Variants in VKORC1L1 observed in about 807,000 individuals in gnomAD.
VKORC1L1 encodes vitamin K epoxide reductase complex subunit 1-like protein 1.
A neutral mutation model predicts 18.9 loss-of-function variants in VKORC1L1; 2 were observed. The observed-to-expected ratio is 0.11, with a 90% CI of 0.04 to 0.33. VKORC1L1 has a LOEUF of 0.33. VKORC1L1 is among the 10% of genes least tolerant of loss of function. VKORC1L1 has a pLI of 1.00. For synonymous variants in VKORC1L1, 96 were observed against 100.0 expected (o/e 0.96, Z 0.24); for missense variants, 123 against 224.1 (o/e 0.55, Z 2.88).
chr7:65,904,651 A>T (rs1035395668), intron 1 of VKORC1L1, among the ~76,000 whole-genome samples: 4 of 152,224 alleles, frequency 2.6e-5, no homozygotes, highest in African/African-American at 9.6e-5. Context: ...TAGTGGAAAT[A>T]AATAGAATTC....
intron 2 of VKORC1L1, among the ~76,000 whole-genome samples, chr7:65,953,378 G>T (rs977958376): frequency 1.3e-5 from 2 of 152,206 alleles, no homozygotes; most frequent in Non-Finnish European, 2.9e-5. Flanking sequence ...TCCAGAGAAG[G>T]TTCTCACCAA....
At chr7:65,902,602 C>G (rs1583836653) in intron 1 of VKORC1L1, among the ~76,000 whole-genome samples, 1 of 151,978 alleles carries the variant, frequency 6.6e-6, no homozygotes, top group East Asian at 1.9e-4. Context: ...AAAATAATGA[C>G]AAGAAAATTC....
At position 65,873,505 on chromosome 7, in the gene VKORC1L1, A is replaced by C. The variant is rs1293477270; in HGVS notation, c.134A>C (p.Glu45Ala). ...HVEREKERDP[E>A]HRALCDLGPW... is the part of the protein sequence containing the mutation. Reference sequence around the variant, plus strand: ...GAGCGGGAGAAGGAGCGGGACCCCGAGCACCGGGCCCTCTGCGACCTGGGG... The same window carrying C: ...GAGCGGGAGAAGGAGCGGGACCCCGCGCACCGGGCCCTCTGCGACCTGGGG... The change falls in exon 1 of 3, where the codon GAG (glutamate) becomes GCG (alanine). Residue 45 changes from glutamate (E) to alanine (A), a missense_variant. Physicochemically the swap from Glu to Ala is moderately radical, Grantham distance 107. Coordinates refer to ENST00000360768, the MANE Select transcript of VKORC1L1 (RefSeq NM_173517.6). 6.3e-7 allele frequency: 1 copy of C among 1,593,246 alleles called. No homozygotes were observed. Among genetic ancestry groups the C allele is most frequent in the Non-Finnish European group, 8.5e-7 (1 of 1,171,720 alleles).
chr7:65,896,204 A>T (rs892537681), intron 1 of VKORC1L1, among the ~76,000 whole-genome samples: 1 of 151,582 alleles, frequency 6.6e-6, no homozygotes, highest in Non-Finnish European at 1.5e-5. Flanking sequence ...GCGCCCAGCC[A>T]TTATCTCACT....
At chr7:65,927,428 A>G (rs1562649551) in intron 1 of VKORC1L1, among the ~76,000 whole-genome samples, 1 of 152,338 alleles carries the variant, frequency 6.6e-6, no homozygotes, top group Non-Finnish European at 1.5e-5. Flanking sequence ...TATATATTGT[A>G]TAATTCATCC....
At position 65,951,298 on chromosome 7, in the gene VKORC1L1, G is replaced by A. The variant is rs571084270; in HGVS notation, c.304+2518G>A. Among the ~76,000 whole-genome samples, 189 of 152,194 alleles carry A rather than the reference G, an allele frequency of 1.2e-3. 2 individuals carry two copies. Among genetic ancestry groups the A allele is most frequent in the African/African-American group, 4.2e-3 (174 of 41,542 alleles). ...GGTTCAAAAGTTTTTAAAAAGGACC[G>A]GGCACAGTGGCTCATGCCAATAATT... On this transcript the variant is annotated intron_variant, in intron 2 of 2. Transcript: ENST00000360768.
intron 1 of VKORC1L1, among the ~76,000 whole-genome samples, chr7:65,879,957 TC>T (rs1370959083): frequency 2.6e-5 from 4 of 152,010 alleles, no homozygotes; most frequent in African/African-American, 4.8e-5. Flanking sequence ...GGTCAAGTGA[TC>T]CTCCAACCTC....
intron 1 of VKORC1L1, among the ~76,000 whole-genome samples, chr7:65,906,153 G>T (rs972918089): frequency 4.0e-5 from 6 of 151,664 alleles, no homozygotes; most frequent in Non-Finnish European, 8.8e-5. Context: ...TTGTCAAAAA[G>T]GCCAGGCACG....
rs1583815535 is a variant in VKORC1L1 at position 65,873,266 on chromosome 7, CGGCGGCGGA to C, written c.-97_-89del. On this transcript the variant is annotated 5_prime_UTR_variant, in exon 1 of 3. Coordinates refer to ENST00000360768, the MANE Select transcript of VKORC1L1 (RefSeq NM_173517.6). ...GCGGCGGCGGCGGCGGTGGTGGCGG[CGGCGGCGGA>C]GGCGGCGGTGGCGGCGGTGGCGGCT... The C allele has an allele frequency of 8.2e-6, 8 of 981,284 alleles. No homozygotes were observed. Among genetic ancestry groups the C allele is most frequent in the South Asian group, 4.6e-5 (1 of 21,946 alleles). The allele number at this position is 981,284 out of a possible 1,614,324, so 60.8% of individuals were successfully genotyped here. A position where few individuals can be genotyped will look rare whatever the true frequency, so the allele number is the denominator to read the frequency against.
intron 1 of VKORC1L1, among the ~76,000 whole-genome samples, chr7:65,890,274 G>C (rs1380696993): frequency 6.6e-6 from 1 of 151,882 alleles, no homozygotes; most frequent in Non-Finnish European, 1.5e-5. Context: ...GGGACGACAG[G>C]CTCCTGCCAC....
intron 1 of VKORC1L1, among the ~76,000 whole-genome samples, chr7:65,886,839 G>GTTTTTT (rs56234924): frequency 8.5e-5 from 5 of 58,626 alleles, no homozygotes; most frequent in African/African-American, 1.2e-4. Flanking sequence ...GCCTGTCCGA[G>GTTTTTT]TTTTTTTTTT....
At chr7:65,929,680 G>GTATATATATATATATATATATATATA (rs150255530) in intron 1 of VKORC1L1, among the ~76,000 whole-genome samples, 92 of 103,728 alleles carry the variant, frequency 8.9e-4, no homozygotes, top group African/African-American at 1.3e-3. Flanking sequence ...ATGTGTGTGT[G>GTATATATATATATATATATATATATA]TGTATATATA....
intron 1 of VKORC1L1, among the ~76,000 whole-genome samples, chr7:65,943,777 A>G (rs1790073925): frequency 6.6e-6 from 1 of 152,324 alleles, no homozygotes; most frequent in South Asian, 2.1e-4. Flanking sequence ...CCTGGGCAAC[A>G]ATAGTGAAAC....
intron 1 of VKORC1L1, among the ~76,000 whole-genome samples, chr7:65,914,289 G>A (rs1005706821): frequency 7.9e-5 from 12 of 152,018 alleles, no homozygotes; most frequent in Non-Finnish European, 1.3e-4. Context: ...TTTTGTAGAG[G>A]TGAAGTCTCA....
intron 1 of VKORC1L1, among the ~76,000 whole-genome samples, chr7:65,910,603 A>G (rs1789486665): frequency 6.6e-6 from 1 of 151,992 alleles, no homozygotes; most frequent in Non-Finnish European, 1.5e-5. Flanking sequence ...CCTTCACATC[A>G]CCATCATCTT....
rs972342824 is a variant in VKORC1L1, at chr7:65,947,562, TA to T, written c.195-1104del. Among the ~76,000 whole-genome samples the T allele has an allele frequency of 1.3e-4, 20 of 152,186 alleles. 1 individual carries two copies. Among genetic ancestry groups the T allele is most frequent in the African/African-American group, 3.4e-4 (14 of 41,454 alleles). On this transcript the variant is annotated intron_variant, in intron 1 of 2. Coordinates refer to ENST00000360768, the MANE Select transcript of VKORC1L1 (RefSeq NM_173517.6). Reference sequence around the variant, plus strand: ...TAACAATTTAAAAAAAATCAGGTTTTAAAAATGTTAAGTCAAATGCAAGATT... The same window carrying T: ...TAACAATTTAAAAAAAATCAGGTTTTAAAATGTTAAGTCAAATGCAAGATT...
chr7:65,887,860 C>CGCA (rs1167131256), intron 1 of VKORC1L1, among the ~76,000 whole-genome samples: 2 of 151,740 alleles, frequency 1.3e-5, no homozygotes, highest in Non-Finnish European at 2.9e-5. Flanking sequence ...AGGATTGCTT[C>CGCA]GCAATATGTA....
At chr7:65,937,726 T>C (rs1025885612) in intron 1 of VKORC1L1, among the ~76,000 whole-genome samples, 1 of 152,180 alleles carries the variant, frequency 6.6e-6, no homozygotes, top group African/African-American at 2.4e-5. Context: ...CACTCAGATT[T>C]TTAATGCCTT....
At chr7:65,867,260 A>C in the VKORC1L1 span, among the ~76,000 whole-genome samples, 6 of 152,112 alleles carry the variant, frequency 3.9e-5, no homozygotes, top group East Asian at 1.2e-3. Flanking sequence ...CTGAGCAGCC[A>C]TGAAGAGTAG....
Sources: allele counts gnomAD v4.1 joint callset (sites outside exome capture counted in the v4.1 genomes callset), GRCh38; gene constraint gnomAD v4.1.1; transcripts MANE v1.5; gene names NCBI Gene and HGNC (gene_info 2026-07-23, HGNC 2026-07-21).